The following AKAP6 variants were observed in gnomAD, a reference collection of about 807,000 sequenced individuals.
AKAP6 encodes the protein A-kinase anchor protein 6.
Under a neutral mutation model 188.5 loss-of-function variants are expected in AKAP6, and 58 were observed. The ratio of observed to expected loss-of-function variants is 0.31; its 90% CI spans 0.25 to 0.38. The LOEUF (loss-of-function observed/expected upper bound fraction) is 0.38, where lower values mean the gene tolerates loss of function less well. Among genes scored for constraint, AKAP6 ranks in the 10% least tolerant of loss-of-function variants. The pLI is 1.00. For missense variants in AKAP6, 2,710 were observed against 2,740.0 expected (o/e 0.99, Z 0.24); for synonymous variants, 989 against 998.6 (o/e 0.99, Z 0.18).
At chr14:32,599,651 G>A (rs1247159696) in intron 6 of AKAP6, 145 bp downstream of exon 6, 1 of 597,678 alleles carries the variant, frequency 1.7e-6, no homozygotes, top group Non-Finnish European at 2.8e-6. Context: ...ATTTATAAAT[G>A]TTTCATATAC....
chr14:32,625,874 C>A (rs1203305711), intron 7 of AKAP6, among the ~76,000 whole-genome samples: 2 of 152,036 alleles, frequency 1.3e-5, no homozygotes, highest in Non-Finnish European at 2.9e-5. Flanking sequence ...AGAGGTCATT[C>A]CAGGTGCTAT....
intron 2 of AKAP6, among the ~76,000 whole-genome samples, chr14:32,481,466 A>C (rs1879338681): frequency 6.6e-6 from 1 of 152,192 alleles, no homozygotes; most frequent in Non-Finnish European, 1.5e-5. Context: ...ACGGTTCTAC[A>C]TGGCTGGGGA....
intron 11 of AKAP6, among the ~76,000 whole-genome samples, chr14:32,753,931 T>A (rs931417250): frequency 6.6e-6 from 1 of 152,130 alleles, no homozygotes; most frequent in Admixed American, 6.5e-5. Flanking sequence ...TATAGCTTTG[T>A]GGTATATTTT....
At chr14:32,663,256 T>A (rs886901466) in intron 7 of AKAP6, among the ~76,000 whole-genome samples, 5 of 152,142 alleles carry the variant, frequency 3.3e-5, no homozygotes, top group Admixed American at 3.3e-4. Flanking sequence ...CACCTTATAC[T>A]TTCCCTGCCT....
At chr14:32,375,818 C>T (rs1412446422) in intron 1 of AKAP6, 2 of 152,144 alleles carry the variant, frequency 1.3e-5, no homozygotes, top group Non-Finnish European at 2.9e-5. Context: ...GAGCCAAAGT[C>T]ATTCAGACTT....
intron 2 of AKAP6, among the ~76,000 whole-genome samples, chr14:32,468,788 A>G (rs1878601637): frequency 6.6e-6 from 1 of 152,116 alleles, no homozygotes; most frequent in South Asian, 2.1e-4. Context: ...AAGACTTGCC[A>G]TTCCTCAAAT....
intron 8 of AKAP6, among the ~76,000 whole-genome samples, chr14:32,691,290 G>A (rs1890168402): frequency 6.6e-6 from 1 of 152,148 alleles, no homozygotes; most frequent in Non-Finnish European, 1.5e-5. Context: ...AGGGAATATA[G>A]AACTGTTAAC....
chr14:32,371,626 A>G (rs1888009853), intron 1 of AKAP6, among the ~76,000 whole-genome samples: 1 of 152,142 alleles, frequency 6.6e-6, no homozygotes, highest in Non-Finnish European at 1.5e-5. Flanking sequence ...ATTCTATAAA[A>G]ATTGGTGACA....
chr14:32,632,017 GTATA>G (rs1403862152), intron 7 of AKAP6, among the ~76,000 whole-genome samples: 2 of 152,010 alleles, frequency 1.3e-5, no homozygotes, highest in African/African-American at 2.4e-5. Context: ...ATTTTCAGCA[GTATA>G]TTCATTCTTT....
At chr14:32,776,943 C>T (rs1232871449) in intron 12 of AKAP6, among the ~76,000 whole-genome samples, 2 of 152,122 alleles carry the variant, frequency 1.3e-5, no homozygotes, top group African/African-American at 4.8e-5. Context: ...GGGATGCTCT[C>T]AAGTACTCAG....
At chr14:32,628,859 G>A (rs1887138196) in intron 7 of AKAP6, among the ~76,000 whole-genome samples, 1 of 151,950 alleles carries the variant, frequency 6.6e-6, no homozygotes, top group Admixed American at 6.6e-5. Context: ...TGAAAAGTCA[G>A]AATAAAATGA....
At chr14:32,610,913 T>C (rs367972136) in intron 7 of AKAP6, among the ~76,000 whole-genome samples, 3 of 151,978 alleles carry the variant, frequency 2.0e-5, no homozygotes, top group African/African-American at 4.8e-5. Flanking sequence ...GGCTGAAGAG[T>C]TGTGTTTTAC....
chr14:32,490,751 C>T (rs1182408623), intron 2 of AKAP6, among the ~76,000 whole-genome samples: 3 of 152,150 alleles, frequency 2.0e-5, no homozygotes, highest in African/African-American at 7.2e-5. Flanking sequence ...TGTCTTACTT[C>T]TGTAAATTTG....
intron 2 of AKAP6, among the ~76,000 whole-genome samples, chr14:32,461,533 A>G (rs1339013161): frequency 6.6e-6 from 1 of 152,146 alleles, no homozygotes; most frequent in Non-Finnish European, 1.5e-5. Context: ...AACAACATCA[A>G]CATCAACATA....
chr14:32,756,389 AG>A (rs773228947), intron 11 of AKAP6, among the ~76,000 whole-genome samples: 1 of 151,936 alleles, frequency 6.6e-6, no homozygotes, highest in Non-Finnish European at 1.5e-5. Flanking sequence ...TACTAGGGTG[AG>A]CCTGGATCCT....
intron 12 of AKAP6, among the ~76,000 whole-genome samples, chr14:32,819,772 A>G (rs1189727147): frequency 6.6e-6 from 1 of 152,002 alleles, no homozygotes; most frequent in Admixed American, 6.6e-5. Flanking sequence ...CAACATAGTG[A>G]CACCCTGTCT....
chr14:32,758,285 G>A (rs189418642), intron 11 of AKAP6, among the ~76,000 whole-genome samples: 47 of 152,340 alleles, frequency 3.1e-4, no homozygotes, highest in Admixed American at 2.9e-3. Flanking sequence ...GAGCCAGCTG[G>A]CAGCCTACAT....
rs759723002 is a variant in AKAP6, at chr14:32,600,691, C to T, written c.2629C>T (p.Arg877Trp). The change falls in exon 7 of 14, where the codon CGG becomes TGG. Residue 877 changes from arginine to tryptophan, a missense_variant. Physicochemically the swap from Arg to Trp is moderately radical, Grantham distance 101. This residue lies in a region of AKAP6 where 2,473 missense variants were observed against 2,426.1 expected (regional missense o/e 1.02). Coordinates refer to ENST00000280979, the MANE Select transcript of AKAP6 (RefSeq NM_004274.5). ...GAAGGAGCTGCAGAGGCAAATCAAACGGCAGCACAGCTGGATTCTCAGGGC... is the reference window on the plus strand; with the variant it reads ...GAAGGAGCTGCAGAGGCAAATCAAATGGCAGCACAGCTGGATTCTCAGGGC... Reference protein sequence around the residue: ...QWKELQRQIKRQHSWILRALD... With the variant: ...QWKELQRQIKWQHSWILRALD... 19 of 1,613,374 alleles carry T rather than the reference C, an allele frequency of 1.2e-5. No individual in the cohort carries two copies. The highest frequency in any genetic ancestry group is 6.7e-5 in the East Asian group (3 of 44,862).
chr14:32,699,282 C>T (rs1432895524), intron 9 of AKAP6, among the ~76,000 whole-genome samples: 2 of 152,162 alleles, frequency 1.3e-5, no homozygotes, highest in Non-Finnish European at 2.9e-5. Flanking sequence ...ATCCACTCAG[C>T]AGATATCCTG....
Sources: allele counts gnomAD v4.1 joint callset (sites outside exome capture counted in the v4.1 genomes callset), GRCh38; gene constraint gnomAD v4.1.1; regional missense constraint gnomAD v4.1.1; transcripts MANE v1.5; gene names NCBI Gene and HGNC (gene_info 2026-07-23, HGNC 2026-07-21).